The following ZNF467 variants were observed in gnomAD, a reference collection of about 807,000 sequenced individuals.
The protein encoded by ZNF467 is zinc finger protein EZI.
A neutral mutation model predicts 47.8 loss-of-function variants in ZNF467; 51 were observed. The observed-to-expected ratio is 1.07, with a 90% CI of 0.85 to 1.35. The LOEUF (loss-of-function observed/expected upper bound fraction) is 1.35. ZNF467 is among the 40% of genes most tolerant of loss of function. The pLI is 0.00. For missense variants in ZNF467, 992 were observed against 858.1 expected (o/e 1.16, Z -1.95); for synonymous variants, 416 against 372.9 (o/e 1.12, Z -1.33).
intron 4 of ZNF467, among the ~76,000 whole-genome samples, chr7:149,767,416 ACAAT>A (rs1451257129): frequency 6.6e-6 from 1 of 152,244 alleles, no homozygotes; most frequent in Non-Finnish European, 1.5e-5. Context: ...GTGGACTTCC[ACAAT>A]CAGAGGTACT....
Position 149,764,251 on chromosome 7 carries a change from C to T in ZNF467, c.*463G>A. The T allele has an allele frequency of 2.4e-6, 1 of 414,956 alleles. No individual in the cohort carries two copies. The highest frequency in any genetic ancestry group is 4.3e-5 in the Admixed American group (1 of 23,186). 25.7% of individuals were successfully genotyped at this position (414,956 alleles called of 1,614,324 possible). A position where few individuals can be genotyped will look rare whatever the true frequency, so the allele number is the denominator to read the frequency against. ...ACAGCAGCTGGCTAAATGTAACTCA[C>T]CCAGGACAGAAGGGGAAGTGGAGGG... On this transcript the variant is annotated 3_prime_UTR_variant, in exon 5 of 5. Coordinates refer to ENST00000302017, the MANE Select transcript of ZNF467 (RefSeq NM_207336.3).
Position 149,765,789 on chromosome 7 carries a change from T to C in ZNF467, c.713A>G (p.His238Arg), listed in dbSNP as rs1274662521. Residue 238 changes from histidine (H) to arginine (R), a missense_variant, in exon 5 of 5, where the codon CAC becomes CGC. Coordinates refer to ENST00000302017, the MANE Select transcript of ZNF467 (RefSeq NM_207336.3). ...GCACGGGTAGGGCCGCTCGCCCGTG[T>C]GCGTGCGCAGGTGGCGGGTCAGATG... is the stretch of plus-strand genomic sequence containing the variant. The part of the protein sequence containing the change: ...KAHLTRHLRT[H>R]TGERPYPCAE... 6.2e-7 allele frequency: 1 copy of C among 1,611,702 alleles called. No individual in the cohort carries two copies. Among genetic ancestry groups the C allele is most frequent in the Non-Finnish European group, 8.5e-7 (1 of 1,179,082 alleles).
chr7:149,764,721 A>T lies in ZNF467; in HGVS notation c.1781T>A (p.Phe594Tyr), dbSNP rs747581587. The T allele has an allele frequency of 1.3e-6, 2 of 1,568,376 alleles. No individual in the cohort carries two copies. The highest frequency in any genetic ancestry group is 1.7e-6 in the Non-Finnish European group (2 of 1,153,038). Residue 594 changes from phenylalanine to tyrosine, a missense_variant, in exon 5 of 5, where the codon TTC becomes TAC. Physicochemically the swap from Phe to Tyr is conservative, Grantham distance 22 (BLOSUM62 3). Coordinates refer to ENST00000302017, the MANE Select transcript of ZNF467 (RefSeq NM_207336.3). ...TCCTCGTGAGAACTAGGCTCAGAAGAAGAGCGGGGGCGGCGCCACCTCGGG... is the reference window on the plus strand; with the variant it reads ...TCCTCGTGAGAACTAGGCTCAGAAGTAGAGCGGGGGCGGCGCCACCTCGGG... ...APPEVAPPPL[F>Y]F
chr7:149,765,823 T>A lies in ZNF467; in HGVS notation c.679A>T (p.Lys227Ter). Residue 227 changes from lysine to a stop codon, truncating the protein, a stop_gained, in exon 5 of 5, where the codon AAG (lysine) becomes TAG (stop). Transcript: ENST00000302017. LOFTEE classifies it high-confidence loss of function. ...PCSECDKRFS[K>*]KAHLTRHLRT... ...AGGTGGCGGGTCAGATGGGCCTTCTTGCTGAAGCGCTTGTCGCACTCGGAG... is the reference window on the plus strand; with the variant it reads ...AGGTGGCGGGTCAGATGGGCCTTCTAGCTGAAGCGCTTGTCGCACTCGGAG... 6.2e-7 allele frequency: 1 copy of A among 1,610,036 alleles called. No homozygotes were observed. The highest frequency in any genetic ancestry group is 1.3e-5 in the African/African-American group (1 of 74,902).
chr7:149,765,411 A>G lies in ZNF467; in HGVS notation c.1091T>C (p.Phe364Ser). 1.3e-6 allele frequency: 2 copies of G among 1,574,370 alleles called. No individual in the cohort carries two copies. The highest frequency in any genetic ancestry group is 4.6e-5 in the East Asian group (2 of 43,254). ...PFACSDCGLS[F>S]GWKKNLATHQ... is the part of the protein sequence containing the mutation. Reference sequence around the variant, plus strand: ...CGTGGCGAGGTTCTTTTTCCAGCCGAAGCTCAAGCCGCAGTCGGAGCACGC... The same window carrying G: ...CGTGGCGAGGTTCTTTTTCCAGCCGGAGCTCAAGCCGCAGTCGGAGCACGC... Residue 364 changes from phenylalanine (F) to serine (S), a missense_variant, in exon 5 of 5, where the codon TTC becomes TCC. Transcript: ENST00000302017.
chr7:149,765,247 C>G lies in ZNF467; in HGVS notation c.1255G>C (p.Val419Leu). The G allele has an allele frequency of 6.8e-7, 1 of 1,467,708 alleles. No individual in the cohort carries two copies. The allele number at this position is 1,467,708 out of a possible 1,614,324, so 90.9% of individuals were successfully genotyped here. Reference sequence around the variant, plus strand: ...CCCGAGGGGGCGCGCTGGGGCACCACGGGATCGGATCCTGGGCCGCAGCCC... The same window carrying G: ...CCCGAGGGGGCGCGCTGGGGCACCAGGGGATCGGATCCTGGGCCGCAGCCC... ...GPGCGPGSDPVVPQRAPSGER... is the reference protein window; with the variant it reads ...GPGCGPGSDPLVPQRAPSGER... Residue 419 changes from valine to leucine, a missense_variant, in exon 5 of 5, where the codon GTG becomes CTG. By Grantham distance (32) the Val-to-Leu change is conservative. Transcript: ENST00000302017.
At chr7:149,775,941 G>T, upstream of ZNF467, 1 of 924,882 alleles carries the variant, frequency 1.1e-6, no homozygotes, top group Non-Finnish European at 1.6e-6. Context: ...GCTGCGTGGG[G>T]CAGGAGAGAG....
chr7:149,771,221 G>T, intron 1 of ZNF467, 147 bp from the exon 2 acceptor site: 1 of 643,682 alleles, frequency 1.6e-6, no homozygotes, highest in Non-Finnish European at 2.7e-6. Flanking sequence ...TGGGAAACTG[G>T]GTTTAGAAAG....
In ZNF467 at chr7:149,764,314, AAGGAGAG is replaced by A; in HGVS notation, c.*393_*399del. 3.8e-6 allele frequency: 2 copies of A among 520,560 alleles called. No homozygotes were observed. Among genetic ancestry groups the A allele is most frequent in the African/African-American group, 2.0e-5 (1 of 50,480 alleles). 32.2% of individuals were successfully genotyped at this position (520,560 alleles called of 1,614,324 possible). A position where few individuals can be genotyped will look rare whatever the true frequency, so the allele number is the denominator to read the frequency against. ...TGTGGATGGAGGTGGGACAGTGGCT[AAGGAGAG>A]TCAGGTGTTCCCTCCCCCAATTCAT... On this transcript the variant is annotated 3_prime_UTR_variant, in exon 5 of 5. Coordinates refer to ENST00000302017, the MANE Select transcript of ZNF467 (RefSeq NM_207336.3).
Position 149,765,950 on chromosome 7 carries a change from GC to G in ZNF467, c.551del (p.Gly184AlafsTer48). 1 of 1,551,966 alleles carries G rather than the reference GC, an allele frequency of 6.4e-7. No homozygotes were observed. ...TLRLHQRLHRGEGPCACPDCG... is the reference protein window; with the variant it reads ...TLRLHQRLHRXEGPCACPDCG... Reference sequence around the variant, plus strand: ...AGTCCGGGCAGGCGCAGGGGCCCTCGCCCCGGTGCAGCCGCTGGTGCAGTCG... The same window carrying G: ...AGTCCGGGCAGGCGCAGGGGCCCTCGCCCGGTGCAGCCGCTGGTGCAGTCG... On this transcript the variant is annotated frameshift_variant, in exon 5 of 5. Coordinates refer to ENST00000302017, the MANE Select transcript of ZNF467 (RefSeq NM_207336.3). LOFTEE classifies it high-confidence loss of function.
Position 149,765,458 on chromosome 7 carries a change from G to T in ZNF467, c.1044C>A (p.Ser348=). ...ACGCGAAAGGCTTTGGCCCGGGAAA[G>T]GATGGGGTCGGGGACGGGGCAGTGG... The part of the protein sequence containing the change: ...PHSTAPSPTP[S]FPGPKPFACS... The change falls in exon 5 of 5, where the codon TCC becomes TCA. Residue 348 remains serine (S), a synonymous_variant. Coordinates refer to ENST00000302017, the MANE Select transcript of ZNF467 (RefSeq NM_207336.3). 6.3e-7 allele frequency: 1 copy of T among 1,585,104 alleles called. No individual in the cohort carries two copies. The highest frequency in any genetic ancestry group is 1.3e-5 in the African/African-American group (1 of 74,790).
At chr7:149,767,041 C>T (rs1247450036) in intron 4 of ZNF467, among the ~76,000 whole-genome samples, 1 of 152,252 alleles carries the variant, frequency 6.6e-6, no homozygotes, top group Non-Finnish European at 1.5e-5. Flanking sequence ...AGTGTTGCCC[C>T]TGTCGGGTGC....
chr7:149,766,495 C>A (rs886369505), intron 4 of ZNF467, among the ~76,000 whole-genome samples: 1 of 152,226 alleles, frequency 6.6e-6, no homozygotes, highest in African/African-American at 2.4e-5. Context: ...CCCTCCAGCA[C>A]CCCTGAAGAG....
chr7:149,771,390 A>G (rs73481806), intron 1 of ZNF467, among the ~76,000 whole-genome samples: 16,773 of 152,128 alleles, frequency 0.11, 1,153 homozygotes, highest in African/African-American at 0.19. Context: ...CTTGCCTGGG[A>G]AAGTGCAGGC....
Position 149,765,321 on chromosome 7 carries a change from G to A in ZNF467, c.1181C>T (p.Thr394Ile), listed in dbSNP as rs1799147180. The change falls in exon 5 of 5, where the codon ACC becomes ATC. Residue 394 changes from threonine (T) to isoleucine (I), a missense_variant. By Grantham distance (89) the Thr-to-Ile change is moderately conservative. Coordinates refer to ENST00000302017, the MANE Select transcript of ZNF467 (RefSeq NM_207336.3). ...GGGCTTGGCGGCGGGGGCATCCACG[G>A]TGGCGCCCAGTGCGCACTCATCGCA... ...FGCDECALGA[T>I]VDAPAAKPLA... 1 of 1,487,222 alleles carries A rather than the reference G, an allele frequency of 6.7e-7. No individual in the cohort carries two copies. The highest frequency in any genetic ancestry group is 9.0e-7 in the Non-Finnish European group (1 of 1,114,974). 92.1% of individuals were successfully genotyped at this position (1,487,222 alleles called of 1,614,324 possible). A position where few individuals can be genotyped will look rare whatever the true frequency, so the allele number is the denominator to read the frequency against.
chr7:149,773,081 C>T (rs1013119230), intron 1 of ZNF467, 27 bp downstream of exon 1: 1 of 150,266 alleles, frequency 6.7e-6, no homozygotes, highest in Non-Finnish European at 1.5e-5. Flanking sequence ...GCGGGGCCGC[C>T]TGCAGAGGAG....
chr7:149,769,228 C>T lies in ZNF467; in HGVS notation c.152-28G>A. The T allele has an allele frequency of 6.5e-7, 1 of 1,530,566 alleles. No homozygotes were observed. The highest frequency in any genetic ancestry group is 8.8e-7 in the Non-Finnish European group (1 of 1,137,286). 94.8% of individuals were successfully genotyped at this position (1,530,566 alleles called of 1,614,324 possible). ...GGCAGAGAATAGGATACCTCAAGGACTCTGGAGACATCACAGATGGCCAAA... is the reference window on the plus strand; with the variant it reads ...GGCAGAGAATAGGATACCTCAAGGATTCTGGAGACATCACAGATGGCCAAA... On this transcript the variant is annotated intron_variant, in intron 3 of 4. Coordinates refer to ENST00000302017, the MANE Select transcript of ZNF467 (RefSeq NM_207336.3). The surrounding 1 kb of genome is among the most constrained non-coding windows in gnomAD (Gnocchi z 5.3).
intron 4 of ZNF467, among the ~76,000 whole-genome samples, chr7:149,768,253 T>C (rs1352658983): frequency 6.6e-6 from 1 of 152,222 alleles, no homozygotes; most frequent in Non-Finnish European, 1.5e-5. Flanking sequence ...GTATGGACAT[T>C]TTGTGTTCCA....
chr7:149,766,235 C>T lies in ZNF467; in HGVS notation c.267G>A (p.Glu89=), dbSNP rs924516260. 2 of 1,517,222 alleles carry T rather than the reference C, an allele frequency of 1.3e-6. No homozygotes were observed. Among genetic ancestry groups the T allele is most frequent in the East Asian group, 2.3e-5 (1 of 43,842 alleles). 94.0% of individuals were successfully genotyped at this position (1,517,222 alleles called of 1,614,324 possible). The change falls in exon 5 of 5, where the codon GAG becomes GAA. Residue 89 remains glutamate (E), a synonymous_variant. Coordinates refer to ENST00000302017, the MANE Select transcript of ZNF467 (RefSeq NM_207336.3). The part of the protein sequence containing the change: ...KAQPVGTCPG[E]EWMIRKVKVE... ...CCTTCACCTTCCGAATCATCCACTC[C>T]TCTCCTGGAAAGTCAAAACAAGAAT...
Sources: gnomAD v4.1 joint callset for allele counts (sites outside exome capture counted in the v4.1 genomes callset) on GRCh38, gnomAD v4.1.1 for gene constraint, Gnocchi (gnomAD v3.1) non-coding constraint, MANE v1.5 for transcripts, NCBI Gene and HGNC (gene_info 2026-07-23, HGNC 2026-07-21) for gene names.